TSHZ2: variants seen among roughly 807,000 people sequenced by gnomAD.
TSHZ2 encodes teashirt homolog 2.
Under a neutral mutation model 74.4 loss-of-function variants are expected in TSHZ2, and 21 were observed. That is an observed-to-expected ratio of 0.28 (90% confidence interval 0.20 to 0.41). The LOEUF is 0.41. Among genes scored for constraint, TSHZ2 ranks in the 10% least tolerant of loss-of-function variants. TSHZ2 has a pLI of 1.00. For synonymous variants in TSHZ2, 540 were observed against 515.3 expected (o/e 1.05, Z -0.65); for missense variants, 1,244 against 1,293.5 (o/e 0.96, Z 0.59).
intron 1 of TSHZ2, among the ~76,000 whole-genome samples, chr20:53,222,291 G>T (rs1250232114): frequency 6.6e-6 from 1 of 152,168 alleles, no homozygotes; most frequent in African/African-American, 2.4e-5. Flanking sequence ...CTGGGACACT[G>T]TTGCCACCAA....
chr20:53,094,969 A>G (rs942309939), intron 1 of TSHZ2, among the ~76,000 whole-genome samples: 1 of 152,216 alleles, frequency 6.6e-6, no homozygotes, highest in Non-Finnish European at 1.5e-5. Context: ...TTCAATGAAA[A>G]TCATTTCAGG....
intron 2 of TSHZ2, among the ~76,000 whole-genome samples, chr20:53,295,134 T>C (rs1179970102): frequency 6.6e-6 from 1 of 152,210 alleles, no homozygotes; most frequent in East Asian, 1.9e-4. Flanking sequence ...AACTAATGCT[T>C]CAACAACCCA....
At chr20:53,382,365 C>A (rs1188630448) in intron 2 of TSHZ2, among the ~76,000 whole-genome samples, 1 of 152,154 alleles carries the variant, frequency 6.6e-6, no homozygotes, top group Non-Finnish European at 1.5e-5. Flanking sequence ...TCTCCAAAAC[C>A]CAAAGTTCCA....
intron 2 of TSHZ2, among the ~76,000 whole-genome samples, chr20:53,296,353 T>C (rs151265632): frequency 2.0e-3 from 304 of 152,344 alleles, no homozygotes; most frequent in African/African-American, 7.1e-3. Context: ...TAAGGTTTTA[T>C]TCTTAAAAGA....
intron 2 of TSHZ2, among the ~76,000 whole-genome samples, chr20:53,352,232 C>CTTTTTTTTTT (rs142220716): frequency 5.2e-5 from 3 of 57,906 alleles, no homozygotes; most frequent in Admixed American, 2.1e-4. Flanking sequence ...CTCCTAAGCT[C>CTTTTTTTTTT]TTTTTTTTTT....
At chr20:53,428,805 T>C (rs1298920412) in intron 2 of TSHZ2, among the ~76,000 whole-genome samples, 2 of 152,138 alleles carry the variant, frequency 1.3e-5, no homozygotes, top group Admixed American at 1.3e-4. Flanking sequence ...CCTGGAATCA[T>C]AAAAATGTCA....
Position 53,340,173 on chromosome 20 carries a change from C to CTTTTTTTTTTT in TSHZ2, c.*8+83605_*8+83606insTTTTTTTTTTT, listed in dbSNP as rs1285149762. Among the ~76,000 whole-genome samples the CTTTTTTTTTTT allele has an allele frequency of 5.0e-4, 31 of 62,110 alleles. 3 individuals carry two copies. The highest frequency in any genetic ancestry group is 2.4e-3 in the African/African-American group (30 of 12,602). 40.7% of individuals were successfully genotyped at this position (62,110 alleles called of 152,430 possible). A position where few individuals can be genotyped will look rare whatever the true frequency, so the allele number is the denominator to read the frequency against. Reference sequence around the variant, plus strand: ...GCTAGGATAAAACAAGGTGACTTTTCTTTCTTTTTTCTTTTTTTTTTTTTT... The same window carrying CTTTTTTTTTTT: ...GCTAGGATAAAACAAGGTGACTTTTCTTTTTTTTTTTTTTCTTTTTTCTTTTTTTTTTTTTT... On this transcript the variant is annotated intron_variant, in intron 2 of 2. Coordinates refer to ENST00000371497, the MANE Select transcript of TSHZ2 (RefSeq NM_173485.6).
At chr20:53,413,349 A>C (rs1983120139) in intron 2 of TSHZ2, among the ~76,000 whole-genome samples, 1 of 152,218 alleles carries the variant, frequency 6.6e-6, no homozygotes, top group Non-Finnish European at 1.5e-5. Context: ...TCCCCAGACA[A>C]AGGATGCAGG....
intron 2 of TSHZ2, among the ~76,000 whole-genome samples, chr20:53,279,054 G>A (rs6022372): frequency 0.38 from 57,387 of 152,130 alleles, 15,984 homozygotes; most frequent in African/African-American, 0.79. Context: ...AACGTTGTCA[G>A]GAAAATCATA....
At chr20:53,113,427 G>T (rs865964885) in intron 1 of TSHZ2, among the ~76,000 whole-genome samples, 6 of 152,078 alleles carry the variant, frequency 3.9e-5, no homozygotes, top group Middle Eastern at 3.4e-3. Flanking sequence ...TTTATTTATT[G>T]TAGTTTATCG....
intron 2 of TSHZ2, among the ~76,000 whole-genome samples, chr20:53,400,754 A>G (rs1982628021): frequency 1.3e-5 from 2 of 152,164 alleles, no homozygotes; most frequent in African/African-American, 4.8e-5. Context: ...TAATGAGTTC[A>G]TCTCAATCCC....
intron 2 of TSHZ2, among the ~76,000 whole-genome samples, chr20:53,459,919 G>A (rs1332901802): frequency 2.6e-5 from 4 of 152,176 alleles, no homozygotes; most frequent in African/African-American, 7.2e-5. Context: ...TTTCTGCCGA[G>A]AGATCCACTG....
At chr20:53,143,512 T>G (rs575854489) in intron 1 of TSHZ2, among the ~76,000 whole-genome samples, 123 of 152,118 alleles carry the variant, frequency 8.1e-4, no homozygotes, top group African/African-American at 2.9e-3. Flanking sequence ...GCTAACACAG[T>G]GAAACCCCGT....
chr20:53,303,289 G>A (rs1008562039), intron 2 of TSHZ2, among the ~76,000 whole-genome samples: 11 of 152,134 alleles, frequency 7.2e-5, no homozygotes, highest in South Asian at 6.2e-4. Flanking sequence ...CAATGATGAC[G>A]TCTATCTTGT....
chr20:53,095,930 G>T (rs139291467), intron 1 of TSHZ2, among the ~76,000 whole-genome samples: 1 of 152,262 alleles, frequency 6.6e-6, no homozygotes, highest in Non-Finnish European at 1.5e-5. Flanking sequence ...CACTCCTAGG[G>T]CTGGGCTTGA....
intron 1 of TSHZ2, among the ~76,000 whole-genome samples, chr20:53,173,745 T>C (rs1379974235): frequency 6.6e-6 from 1 of 151,940 alleles, no homozygotes; most frequent in Non-Finnish European, 1.5e-5. Context: ...GGTAGGCAGG[T>C]AGGTAGGTAG....
intron 1 of TSHZ2, among the ~76,000 whole-genome samples, chr20:53,141,535 A>G (rs6013641): frequency 0.2 from 30,977 of 152,170 alleles, 3,403 homozygotes; most frequent in Admixed American, 0.26. Flanking sequence ...AAATCTTCCC[A>G]GATAAAAGGC....
chr20:53,006,789 A>G (rs1332372769), intron 1 of TSHZ2, among the ~76,000 whole-genome samples: 1 of 152,202 alleles, frequency 6.6e-6, no homozygotes, highest in Non-Finnish European at 1.5e-5. Context: ...CTAAAATAGC[A>G]TCATTCTAAT....
At chr20:53,244,046 G>A (rs1990139330) in intron 1 of TSHZ2, among the ~76,000 whole-genome samples, 1 of 152,076 alleles carries the variant, frequency 6.6e-6, no homozygotes, top group Admixed American at 6.6e-5. Flanking sequence ...TTCAAGCCAG[G>A]CAAAAAGGAA....
Sources: allele counts gnomAD v4.1 joint callset (sites outside exome capture counted in the v4.1 genomes callset), GRCh38; gene constraint gnomAD v4.1.1; transcripts MANE v1.5; gene names NCBI Gene and HGNC (gene_info 2026-07-23, HGNC 2026-07-21).